Variants in SLC13A1 observed in about 807,000 individuals in gnomAD.
SLC13A1 encodes Na(+)/sulfate cotransporter.
SLC13A1 carries 65 observed loss-of-function variants against 70.0 expected under a neutral mutation model. The observed-to-expected ratio is 0.93, with a 90% confidence interval of 0.76 to 1.14. SLC13A1 has a LOEUF of 1.14. Ranked by LOEUF, SLC13A1 falls within the 50% of genes most tolerant of loss-of-function variation. SLC13A1 has a pLI of 0.00. For missense variants in SLC13A1, 726 were observed against 717.8 expected (o/e 1.01, Z -0.13); for synonymous variants, 275 against 250.5 (o/e 1.10, Z -0.92).
rs770107968 is a variant in SLC13A1 at position 123,134,500 on chromosome 7, A to G, written c.842T>C (p.Phe281Ser). The G allele has an allele frequency of 3.1e-6, 5 of 1,613,442 alleles. No individual in the cohort carries two copies. In the South Asian group the frequency reaches 5.5e-5, roughly 18 times the overall value. ...GAAGGAAAACGTAAACCATGATCCA[A>G]AGTTGAGGCAACGACAGTCAGGATA... ...TRYPDCRCLN[F>S]GSWFTFSFPA... The change falls in exon 8 of 15, where the codon TTT (phenylalanine) becomes TCT (serine). Residue 281 changes from phenylalanine (F) to serine (S), a missense_variant. Coordinates refer to ENST00000194130, the MANE Select transcript of SLC13A1 (RefSeq NM_022444.4).
At chr7:123,139,448 T>A (rs1228179757) in intron 7 of SLC13A1, among the ~76,000 whole-genome samples, 1 of 152,102 alleles carries the variant, frequency 6.6e-6, no homozygotes, top group African/African-American at 2.4e-5. Flanking sequence ...TCTATTTCTG[T>A]GAAGAATGTC....
intron 1 of SLC13A1, among the ~76,000 whole-genome samples, chr7:123,187,083 C>T (rs747429881): frequency 9.9e-5 from 15 of 152,166 alleles, no homozygotes; most frequent in Non-Finnish European, 1.8e-4. Flanking sequence ...GTTCAGCAAA[C>T]AAGTCACACC....
intron 1 of SLC13A1, among the ~76,000 whole-genome samples, chr7:123,198,265 G>C (rs2116702062): frequency 6.7e-6 from 1 of 148,920 alleles, no homozygotes; most frequent in East Asian, 2.1e-4. Context: ...GGGGCTGCCA[G>C]AGATTCATAT....
intron 6 of SLC13A1, among the ~76,000 whole-genome samples, chr7:123,157,289 C>T (rs1306623588): frequency 1.3e-5 from 2 of 151,810 alleles, no homozygotes; most frequent in East Asian, 1.9e-4. Context: ...TTGAAGTTAT[C>T]GGTAAGACTC....
In SLC13A1 at chr7:123,178,083, G is replaced by A. The variant is rs191425025; in HGVS notation, c.228+2890C>T. ...CATGTGTATTTTCACATTCATATAT[G>A]TGAAATTTATATTTAAATATTTTCG... On this transcript the variant is annotated intron_variant, in intron 2 of 14. Coordinates refer to ENST00000194130, the MANE Select transcript of SLC13A1 (RefSeq NM_022444.4). 8.0e-3 allele frequency among the ~76,000 whole-genome samples: 1,213 copies of A among 151,224 alleles called. 18 individuals carry two copies. The highest frequency in any genetic ancestry group is 0.027 in the African/African-American group (1,128 of 41,134).
chr7:123,140,275 G>A (rs1188882914), intron 7 of SLC13A1, among the ~76,000 whole-genome samples: 1 of 151,970 alleles, frequency 6.6e-6, no homozygotes, highest in Non-Finnish European at 1.5e-5. Context: ...GCAACCCAGG[G>A]ATAAATGCCA....
At chr7:123,196,098 T>C (rs1475335937) in intron 1 of SLC13A1, among the ~76,000 whole-genome samples, 4 of 152,110 alleles carry the variant, frequency 2.6e-5, no homozygotes, top group Non-Finnish European at 5.9e-5. Context: ...CATAGAATAT[T>C]ACTGAAACTA....
chr7:123,136,987 T>A (rs1290031236), intron 7 of SLC13A1, among the ~76,000 whole-genome samples: 13 of 152,038 alleles, frequency 8.6e-5, no homozygotes. Flanking sequence ...TGAGTGAAGG[T>A]GAGTGTGACA....
At chr7:123,198,001 T>A (rs1796237026) in intron 1 of SLC13A1, among the ~76,000 whole-genome samples, 1 of 152,088 alleles carries the variant, frequency 6.6e-6, no homozygotes, top group Non-Finnish European at 1.5e-5. Context: ...TCTTGACTAG[T>A]TTAATTTCCT....
intron 2 of SLC13A1, among the ~76,000 whole-genome samples, chr7:123,177,256 G>A (rs1795478252): frequency 6.6e-6 from 1 of 151,826 alleles, no homozygotes; most frequent in Non-Finnish European, 1.5e-5. Context: ...AATCAATCAG[G>A]AAAGTTTGCT....
intron 6 of SLC13A1, among the ~76,000 whole-genome samples, chr7:123,158,438 A>T (rs1276916454): frequency 6.6e-6 from 1 of 152,104 alleles, no homozygotes; most frequent in African/African-American, 2.4e-5. Context: ...ACTACTCATA[A>T]AAATAGATGT....
chr7:123,176,430 A>C (rs1019736173), intron 2 of SLC13A1, among the ~76,000 whole-genome samples: 1 of 152,188 alleles, frequency 6.6e-6, no homozygotes, highest in African/African-American at 2.4e-5. Context: ...ATCTATTTGC[A>C]AGATCAACAT....
chr7:123,185,779 T>A (rs762589467), intron 1 of SLC13A1, among the ~76,000 whole-genome samples: 2 of 152,050 alleles, frequency 1.3e-5, no homozygotes, highest in Non-Finnish European at 2.9e-5. Flanking sequence ...TTTGTTTCAA[T>A]ACAAATTTTA....
intron 7 of SLC13A1, among the ~76,000 whole-genome samples, chr7:123,140,544 C>T (rs567422469): frequency 6.6e-6 from 1 of 151,944 alleles, no homozygotes; most frequent in Admixed American, 6.6e-5. Context: ...AGCAGTGAAG[C>T]CATTGGGTCC....
chr7:123,157,666 A>G (rs577574937), intron 6 of SLC13A1, among the ~76,000 whole-genome samples: 22 of 152,124 alleles, frequency 1.4e-4, no homozygotes, highest in Non-Finnish European at 3.1e-4. Flanking sequence ...AACATAGCAT[A>G]TTTTTCTATC....
At chr7:123,125,175 T>C (rs986776867) in intron 11 of SLC13A1, among the ~76,000 whole-genome samples, 32 of 152,210 alleles carry the variant, frequency 2.1e-4, no homozygotes, top group African/African-American at 7.7e-4. Flanking sequence ...ACTCTTTCTC[T>C]TGAAATTCAT....
chr7:123,162,734 T>C (rs1016694515), intron 6 of SLC13A1, among the ~76,000 whole-genome samples: 2 of 152,094 alleles, frequency 1.3e-5, no homozygotes, highest in African/African-American at 4.8e-5. Flanking sequence ...TTATGAACCA[T>C]GTTTATTACT....
rs2116605944 is a variant in SLC13A1, at chr7:123,179,245, G to C, written c.228+1728C>G. ...ATAAGTTTAATGAGTCAGTGATTGA[G>C]TTTCAGATGTGGGCTTAATAAAGCT... On this transcript the variant is annotated intron_variant, in intron 2 of 14. Coordinates refer to ENST00000194130, the MANE Select transcript of SLC13A1 (RefSeq NM_022444.4). Among the ~76,000 whole-genome samples the C allele has an allele frequency of 1.3e-5, 2 of 152,254 alleles. 1 individual carries two copies. The highest frequency in any genetic ancestry group is 4.1e-4 in the South Asian group (2 of 4,822).
chr7:123,147,407 A>G lies in SLC13A1; in HGVS notation c.661-97T>C. ...ACCACCCGCACCAATTCATATGTTG[A>G]AACCCTAACTCCTGATGTGATTGTA... On this transcript the variant is annotated intron_variant, in intron 6 of 14. Transcript: ENST00000194130. 2.2e-6 allele frequency: 3 copies of G among 1,360,362 alleles called. No individual in the cohort carries two copies. The South Asian group carries it at 4.1e-5, about 19-fold the overall frequency. 84.3% of individuals were successfully genotyped at this position (1,360,362 alleles called of 1,614,324 possible).
Sources: gnomAD v4.1 joint callset for allele counts (sites outside exome capture counted in the v4.1 genomes callset) on GRCh38, gnomAD v4.1.1 for gene constraint, MANE v1.5 for transcripts, NCBI Gene and HGNC (gene_info 2026-07-23, HGNC 2026-07-21) for gene names.